Variants in ZFAT observed in about 807,000 individuals in gnomAD.
The protein encoded by ZFAT is zinc finger protein ZFAT.
Under a neutral mutation model 117.7 loss-of-function variants are expected in ZFAT, and 64 were observed. The ratio of observed to expected loss-of-function variants is 0.54; its 90% CI spans 0.44 to 0.67. The LOEUF is 0.67. ZFAT is among the 30% of genes least tolerant of loss of function. ZFAT has a pLI of 0.00. For synonymous variants in ZFAT, 679 were observed against 615.0 expected, an observed-to-expected ratio of 1.10 and a Z score of -1.54; for missense variants, 1,433 against 1,584.5, an observed-to-expected ratio of 0.90 and a Z score of 1.62.
intron 5 of ZFAT, among the ~76,000 whole-genome samples, chr8:134,604,186 G>A (rs1016089845): frequency 7.9e-5 from 12 of 152,196 alleles, no homozygotes; most frequent in African/African-American, 2.9e-4. Context: ...TCTATGCTAA[G>A]TATTTAATCC....
intron 1 of ZFAT, among the ~76,000 whole-genome samples, chr8:134,693,816 C>T (rs115300253): frequency 4.7e-4 from 72 of 152,234 alleles, no homozygotes; most frequent in African/African-American, 1.7e-3. Context: ...TAGCTCACCA[C>T]AAGGCATTTC....
Position 134,601,591 on chromosome 8 carries a change from A to C in ZFAT, c.2128T>G (p.Ser710Ala), listed in dbSNP as rs760785012. 4 of 1,614,212 alleles carry C rather than the reference A, an allele frequency of 2.5e-6. No homozygotes were observed. The Admixed American group carries it at 6.7e-5, about 27-fold the overall frequency. The stretch of plus-strand genomic sequence containing the variant: ...ACCTTCATGAAAGCGGTGATGCCTG[A>C]CCGGTGCTCAGGGGCAGCTTTGCAA... ...DSCKAAPEHR[S>A]GITAFMKVLN... Residue 710 changes from serine (S) to alanine (A), a missense_variant, in exon 6 of 16, where the codon TCA becomes GCA. Coordinates refer to ENST00000377838, the MANE Select transcript of ZFAT (RefSeq NM_020863.4).
chr8:134,726,952 A>G, the ZFAT span, among the ~76,000 whole-genome samples: 2 of 151,956 alleles, frequency 1.3e-5, no homozygotes, highest in Non-Finnish European at 2.9e-5. Flanking sequence ...ACTGGCTGTG[A>G]TCAATCATTA....
intron 3 of ZFAT, among the ~76,000 whole-genome samples, chr8:134,615,885 A>T (rs1828691928): frequency 6.6e-6 from 1 of 152,246 alleles, no homozygotes; most frequent in Non-Finnish European, 1.5e-5. Flanking sequence ...CTTGGAGATG[A>T]TCTTAACTGA....
chr8:134,795,518 C>CA, the ZFAT span: 16 of 152,202 alleles, frequency 1.1e-4, no homozygotes, highest in Admixed American at 2.6e-4. Flanking sequence ...TGTGAAAACT[C>CA]AAAGAGCCGA....
chr8:134,651,532 C>G (rs1831241960), intron 2 of ZFAT, among the ~76,000 whole-genome samples: 1 of 152,104 alleles, frequency 6.6e-6, no homozygotes, highest in Non-Finnish European at 1.5e-5. Flanking sequence ...CTTAAAATGG[C>G]TAATTTTATC....
At chr8:134,574,937 C>T (rs1825191393) in intron 10 of ZFAT, among the ~76,000 whole-genome samples, 1 of 151,840 alleles carries the variant, frequency 6.6e-6, no homozygotes, top group South Asian at 2.1e-4. Context: ...AACAGTGATA[C>T]TCTTTAAATA....
the ZFAT span, among the ~76,000 whole-genome samples, chr8:134,775,212 G>A: frequency 3.9e-5 from 6 of 152,146 alleles, no homozygotes; most frequent in African/African-American, 1.2e-4. Context: ...TGAAGTCCCC[G>A]TGGATCTATT....
At chr8:134,719,172 G>A in the ZFAT span, among the ~76,000 whole-genome samples, 1 of 152,212 alleles carries the variant, frequency 6.6e-6, no homozygotes, top group Non-Finnish European at 1.5e-5. Context: ...GAAATATTGG[G>A]ATGTTTAACC....
At chr8:134,607,712 G>A (rs1384764869) in intron 5 of ZFAT, among the ~76,000 whole-genome samples, 2 of 152,238 alleles carry the variant, frequency 1.3e-5, no homozygotes, top group African/African-American at 4.8e-5. Flanking sequence ...AGAAACAGAG[G>A]AAAACCACTG....
chr8:134,785,242 C>T, the ZFAT span: 1 of 152,100 alleles, frequency 6.6e-6, no homozygotes, highest in Non-Finnish European at 1.5e-5. Flanking sequence ...CTTAAGTAGT[C>T]CTTTATGTAA....
At chr8:134,800,584 T>A in the ZFAT span, 1 of 515,086 alleles carries the variant, frequency 1.9e-6, no homozygotes, top group Non-Finnish European at 4.0e-6. Flanking sequence ...GAGTGTAGGA[T>A]GTTTACATGA....
chr8:134,479,256 T>G (rs1198882878), intron 15 of ZFAT, among the ~76,000 whole-genome samples: 2 of 152,202 alleles, frequency 1.3e-5, no homozygotes, highest in Non-Finnish European at 2.9e-5. Context: ...GGCCTGATTT[T>G]CCCCAGGTGT....
chr8:134,646,069 C>T (rs925458616), intron 2 of ZFAT, among the ~76,000 whole-genome samples: 6 of 151,852 alleles, frequency 4.0e-5, no homozygotes, highest in Non-Finnish European at 7.4e-5. Flanking sequence ...ATTAGCCGGG[C>T]GTGGTGGCGG....
chr8:134,752,624 T>G, the ZFAT span, among the ~76,000 whole-genome samples: 1 of 152,176 alleles, frequency 6.6e-6, no homozygotes, highest in Non-Finnish European at 1.5e-5. Context: ...CTGGGTGGCC[T>G]GAACAAAAGA....
chr8:134,666,770 G>A (rs1230798477), intron 1 of ZFAT, among the ~76,000 whole-genome samples: 1 of 152,154 alleles, frequency 6.6e-6, no homozygotes, highest in Admixed American at 6.5e-5. Flanking sequence ...CTGTGGGACT[G>A]TAACAAAAGA....
At chr8:134,727,942 G>C in the ZFAT span, among the ~76,000 whole-genome samples, 5 of 152,052 alleles carry the variant, frequency 3.3e-5, no homozygotes, top group African/African-American at 1.2e-4. Flanking sequence ...TACATTTCTT[G>C]TTCTTTTAGC....
intron 3 of ZFAT, among the ~76,000 whole-genome samples, chr8:134,616,047 G>T (rs1828708030): frequency 6.6e-6 from 1 of 152,178 alleles, no homozygotes. Flanking sequence ...GGTGAGGCAG[G>T]AGAAGAACTG....
the ZFAT span, among the ~76,000 whole-genome samples, chr8:134,802,189 C>G: frequency 2.6e-5 from 4 of 152,164 alleles, no homozygotes; most frequent in African/African-American, 9.7e-5. Context: ...CATGGGTCCA[C>G]CCACAATTAA....
Sources: gnomAD v4.1 joint callset for allele counts (sites outside exome capture counted in the v4.1 genomes callset) on GRCh38, gnomAD v4.1.1 for gene constraint, MANE v1.5 for transcripts, NCBI Gene and HGNC (gene_info 2026-07-23, HGNC 2026-07-21) for gene names.